The following ZNF85 variants were observed in gnomAD, a reference collection of about 807,000 sequenced individuals.
ZNF85 encodes zinc finger protein 85, also known as zinc finger protein 85 (HPF4, HTF1).
Under a neutral mutation model 53.9 loss-of-function variants are expected in ZNF85, and 50 were observed. The observed-to-expected ratio is 0.93, with a 90% confidence interval of 0.74 to 1.17. The LOEUF (loss-of-function observed/expected upper bound fraction) is 1.17. Ranked by LOEUF, ZNF85 falls within the 50% of genes most tolerant of loss-of-function variation. The pLI, the probability that ZNF85 is intolerant of heterozygous loss-of-function variation, is 0.00. For synonymous variants in ZNF85, 225 were observed against 226.1 expected, an observed-to-expected ratio of 1.00 and a Z score of 0.04; for missense variants, 747 against 688.5, an observed-to-expected ratio of 1.08 and a Z score of -0.95.
intron 1 of ZNF85, among the ~76,000 whole-genome samples, chr19:20,932,731 A>G (rs1973052343): frequency 6.6e-6 from 1 of 152,166 alleles, no homozygotes; most frequent in Non-Finnish European, 1.5e-5. Context: ...GGTGCTAAAG[A>G]AAGATGATTT....
chr19:20,949,130 G>T lies in ZNF85; in HGVS notation c.616G>T (p.Glu206Ter). The T allele has an allele frequency of 1.2e-6, 2 of 1,613,584 alleles. No homozygotes were observed. The highest frequency in any genetic ancestry group is 1.7e-6 in the Non-Finnish European group (2 of 1,179,740). ...HTRVNFYKCE[E>*]CGKAFNWSST... ...TAGAGTAAATTTCTACAAATGTGAA[G>T]AATGTGGAAAAGCCTTTAACTGGTC... The change falls in exon 4 of 4, where the codon GAA (glutamate) becomes TAA (stop). Residue 206 changes from glutamate to a stop codon, truncating the protein, a stop_gained. Coordinates refer to ENST00000328178, the MANE Select transcript of ZNF85 (RefSeq NM_003429.5). LOFTEE classifies it high-confidence loss of function.
chr19:20,930,472 A>C (rs1463309388), intron 1 of ZNF85, among the ~76,000 whole-genome samples: 1 of 152,204 alleles, frequency 6.6e-6, no homozygotes, highest in Non-Finnish European at 1.5e-5. Context: ...AAAAAAAATC[A>C]ATGACAGAGA....
intron 3 of ZNF85, among the ~76,000 whole-genome samples, chr19:20,947,746 C>T (rs1468621001): frequency 6.6e-6 from 1 of 151,240 alleles, no homozygotes. Flanking sequence ...ATTTTTACAT[C>T]ATTTTTTCTT....
At chr19:20,947,469 C>T (rs1599448080) in intron 3 of ZNF85, among the ~76,000 whole-genome samples, 2 of 126,904 alleles carry the variant, frequency 1.6e-5, no homozygotes, top group Non-Finnish European at 1.6e-5. Context: ...ATATGTAGGG[C>T]ATATGCAGTG....
chr19:20,932,903 T>A (rs1372470087), intron 1 of ZNF85, among the ~76,000 whole-genome samples: 1 of 151,896 alleles, frequency 6.6e-6, no homozygotes, highest in African/African-American at 2.4e-5. Flanking sequence ...TAAAAATATG[T>A]CCTAGGATGG....
intron 3 of ZNF85, chr19:20,942,671 C>A: frequency 1.8e-6 from 1 of 555,876 alleles, no homozygotes. Flanking sequence ...TTTATTTTTA[C>A]GTAATTTTGG....
chr19:20,924,643 C>G (rs1972838607), intron 1 of ZNF85, among the ~76,000 whole-genome samples: 2 of 152,216 alleles, frequency 1.3e-5, no homozygotes, highest in Non-Finnish European at 2.9e-5. Context: ...ACCTTCCCCT[C>G]TCTGATACAC....
At chr19:20,934,248 T>C in intron 2 of ZNF85, 98 bp downstream of exon 2, 1 of 1,470,088 alleles carries the variant, frequency 6.8e-7, no homozygotes, top group Non-Finnish European at 9.2e-7. Flanking sequence ...TTTGCATAAA[T>C]TAGTTTCAGA....
At chr19:20,933,075 C>CCCAG (rs1973064274) in intron 1 of ZNF85, among the ~76,000 whole-genome samples, 1 of 151,692 alleles carries the variant, frequency 6.6e-6, no homozygotes. Context: ...CACCTGTGGC[C>CCCAG]CCAGCTACTT....
intron 3 of ZNF85, 44 bp downstream of exon 3, chr19:20,935,091 G>A: frequency 7.4e-7 from 1 of 1,348,178 alleles, no homozygotes; most frequent in Non-Finnish European, 1.0e-6. Flanking sequence ...CACATGAGAG[G>A]TCCAAAGGCC....
At chr19:20,926,516 GAATAAATCTGACATGGAAA>G (rs1315885347) in intron 1 of ZNF85, among the ~76,000 whole-genome samples, 1 of 151,666 alleles carries the variant, frequency 6.6e-6, no homozygotes, top group Non-Finnish European at 1.5e-5. Flanking sequence ...AAAACCAAGG[GAATAAATCTGACATGGAAA>G]TTAAAGCTTG....
chr19:20,935,462 T>C (rs1392347563), intron 3 of ZNF85, among the ~76,000 whole-genome samples: 1 of 152,084 alleles, frequency 6.6e-6, no homozygotes, highest in Non-Finnish European at 1.5e-5. Context: ...CCATTGGGGG[T>C]TTTTTTGTTT....
At chr19:20,931,742 G>A (rs1459352109) in intron 1 of ZNF85, among the ~76,000 whole-genome samples, 1 of 150,726 alleles carries the variant, frequency 6.6e-6, no homozygotes, top group Admixed American at 6.6e-5. Context: ...CGAGTAGTTG[G>A]GACTACAGGC....
At chr19:20,943,225 G>A (rs142363002) in intron 3 of ZNF85, 6 of 194,398 alleles carry the variant, frequency 3.1e-5, no homozygotes, top group East Asian at 2.4e-4. Context: ...TTAGATGTTC[G>A]TGTTCTTCAA....
At chr19:20,934,629 T>C (rs375296805) in intron 2 of ZNF85, among the ~76,000 whole-genome samples, 1,597 of 151,510 alleles carry the variant, frequency 0.011, 23 homozygotes, top group African/African-American at 0.031. Flanking sequence ...ATTAGCTGGG[T>C]GTGGTGGCAG....
intron 1 of ZNF85, among the ~76,000 whole-genome samples, chr19:20,924,459 A>G (rs1357780119): frequency 2.0e-5 from 3 of 152,138 alleles, no homozygotes; most frequent in Non-Finnish European, 2.9e-5. Context: ...CCTCAGTCTA[A>G]TTGCCTGCCA....
chr19:20,949,553 T>A lies in ZNF85; in HGVS notation c.1039T>A (p.Cys347Ser). 6.3e-7 allele frequency: 1 copy of A among 1,598,460 alleles called. No individual in the cohort carries two copies. Among genetic ancestry groups the A allele is most frequent in the South Asian group, 1.1e-5 (1 of 89,832 alleles). Residue 347 changes from cysteine (C) to serine (S), a missense_variant, in exon 4 of 4, where the codon TGT becomes AGT. By Grantham distance (112) the Cys-to-Ser change is moderately radical. Coordinates refer to ENST00000328178, the MANE Select transcript of ZNF85 (RefSeq NM_003429.5). ...AGAGAAACCCTACAAATGTAAAAAATGTGGAAAAGCCTTTAACCAGTCTGC... is the reference window on the plus strand; with the variant it reads ...AGAGAAACCCTACAAATGTAAAAAAAGTGGAAAAGCCTTTAACCAGTCTGC... The part of the protein sequence containing the change: ...TGEKPYKCKK[C>S]GKAFNQSAHL...
chr19:20,941,870 C>T (rs1402952276), intron 3 of ZNF85, among the ~76,000 whole-genome samples: 1 of 151,922 alleles, frequency 6.6e-6, no homozygotes, highest in African/African-American at 2.4e-5. Flanking sequence ...GAAAATAGTG[C>T]CAAGACAAAT....
Position 20,949,280 on chromosome 19 carries a change from A to G in ZNF85, c.766A>G (p.Lys256Glu). ...ACATAAGAAAATTCATACTGGAGAG[A>G]AACCCTACAAATGTGAAGAATGTGG... ...IKHKKIHTGE[K>E]PYKCEECGKT... Residue 256 changes from lysine (K) to glutamate (E), a missense_variant, in exon 4 of 4, where the codon AAA becomes GAA. Physicochemically the swap from Lys to Glu is moderately conservative, Grantham distance 56 (BLOSUM62 1). Transcript: ENST00000328178. The G allele has an allele frequency of 6.2e-7, 1 of 1,612,894 alleles. No individual in the cohort carries two copies. Among genetic ancestry groups the G allele is most frequent in the African/African-American group, 1.3e-5 (1 of 75,046 alleles).
Sources: allele counts gnomAD v4.1 joint callset (sites outside exome capture counted in the v4.1 genomes callset), GRCh38; gene constraint gnomAD v4.1.1; transcripts MANE v1.5; gene names NCBI Gene and HGNC (gene_info 2026-07-23, HGNC 2026-07-21).